Variants in PLA2G4F observed in about 807,000 individuals in gnomAD.
PLA2G4F encodes phospholipase A2 group IVF.
Under a neutral mutation model 103.1 loss-of-function variants are expected in PLA2G4F, and 105 were observed. That is an observed-to-expected ratio of 1.02 (90% CI 0.87 to 1.20). The LOEUF (loss-of-function observed/expected upper bound fraction) is 1.20, where lower values mean the gene tolerates loss of function less well. PLA2G4F is among the 50% of genes most tolerant of loss of function. The probability of loss-of-function intolerance (pLI) is 0.00; values close to 1 mark genes in which losing one functional copy is unlikely to be tolerated. For missense variants in PLA2G4F, 1,155 were observed against 1,075.9 expected (o/e 1.07, Z -1.03); for synonymous variants, 468 against 441.1 (o/e 1.06, Z -0.76).
rs1168188448 is a variant in PLA2G4F at position 42,147,516 on chromosome 15, C to A, written c.1196+110G>T. The A allele has an allele frequency of 4.2e-6, 6 of 1,436,346 alleles. No homozygotes were observed. In the East Asian group the frequency reaches 1.1e-4, roughly 27 times the overall value. 89.0% of individuals were successfully genotyped at this position (1,436,346 alleles called of 1,614,324 possible). On this transcript the variant is annotated intron_variant, in intron 12 of 19. Coordinates refer to ENST00000397272, the MANE Select transcript of PLA2G4F (RefSeq NM_213600.4). ...CAGCCTCTTCCTGCCCCTCCTAACA[C>A]CCTGGGAGGCAGGATCCCAGCCCCT...
rs971686573 is a variant in PLA2G4F at position 42,146,122 on chromosome 15, G to A, written c.1534+5C>T. 2 of 1,613,592 alleles carry A rather than the reference G, an allele frequency of 1.2e-6. No homozygotes were observed. ...CCTCCTTCCTTCGTCTCCACACCCAGGCACCTGCAAAATCTTCCCCACTCA... is the reference window on the plus strand; with the variant it reads ...CCTCCTTCCTTCGTCTCCACACCCAAGCACCTGCAAAATCTTCCCCACTCA... On this transcript the variant is annotated splice_donor_5th_base_variant and intron_variant, in intron 14 of 19. Coordinates refer to ENST00000397272, the MANE Select transcript of PLA2G4F (RefSeq NM_213600.4).
chr15:42,146,787 G>C, intron 13 of PLA2G4F: 1 of 258,752 alleles, frequency 3.9e-6, no homozygotes, highest in Non-Finnish European at 7.5e-6. Flanking sequence ...TCCAGGTGTG[G>C]GCTGAAATCA....
chr15:42,149,117 C>A (rs2048925620), intron 11 of PLA2G4F: 7 of 985,224 alleles, frequency 7.1e-6, no homozygotes, highest in Middle Eastern at 5.2e-4. Context: ...TCCCAGGGAC[C>A]CCCCAACCTC....
rs1012172859 is a variant in PLA2G4F, at chr15:42,140,699, G to A, written c.*1285C>T. ...GAAACCAGAACTAGTCTTCTTTCCAGACTCAGGACAGGTAAGGCTTCCCAG... is the reference window on the plus strand; with the variant it reads ...GAAACCAGAACTAGTCTTCTTTCCAAACTCAGGACAGGTAAGGCTTCCCAG... On this transcript the variant is annotated 3_prime_UTR_variant, in exon 20 of 20. Coordinates refer to ENST00000397272, the MANE Select transcript of PLA2G4F (RefSeq NM_213600.4). The A allele has an allele frequency of 1.3e-5, 2 of 152,994 alleles. No homozygotes were observed. Among genetic ancestry groups the A allele is most frequent in the African/African-American group, 4.8e-5 (2 of 41,442 alleles). The allele number at this position is 152,994 out of a possible 1,614,324, so 9.5% of individuals were successfully genotyped here.
Position 42,142,152 on chromosome 15 carries a change from G to A in PLA2G4F, c.2382C>T (p.Asn794=). 4 of 1,614,192 alleles carry A rather than the reference G, an allele frequency of 2.5e-6. No homozygotes were observed. Among genetic ancestry groups the A allele is most frequent in the Non-Finnish European group, 3.4e-6 (4 of 1,180,030 alleles). Residue 794 remains asparagine (N), a synonymous_variant, in exon 20 of 20, where the codon AAC becomes AAT. Transcript: ENST00000397272. ...EEKAFGDFVI[N]RPDTPYGMMN... Reference sequence around the variant, plus strand: ...TCATGCCATAGGGGGTGTCTGGCCTGTTGATGACAAAGTCCCCAAAGGCCT... The same window carrying A: ...TCATGCCATAGGGGGTGTCTGGCCTATTGATGACAAAGTCCCCAAAGGCCT...
Position 42,141,853 on chromosome 15 carries a change from G to A in PLA2G4F, c.*131C>T. Reference sequence around the variant, plus strand: ...CTGCAAGAGCTTTCCGGGGCCTGGGGCACCTCGAGGCAGGTCCTGGAGAGA... The same window carrying A: ...CTGCAAGAGCTTTCCGGGGCCTGGGACACCTCGAGGCAGGTCCTGGAGAGA... On this transcript the variant is annotated 3_prime_UTR_variant, in exon 20 of 20. Coordinates refer to ENST00000397272, the MANE Select transcript of PLA2G4F (RefSeq NM_213600.4). The A allele has an allele frequency of 1.1e-6, 1 of 923,648 alleles. No individual in the cohort carries two copies. The highest frequency in any genetic ancestry group is 1.6e-6 in the Non-Finnish European group (1 of 616,758). 57.2% of individuals were successfully genotyped at this position (923,648 alleles called of 1,614,324 possible).
At chr15:42,148,710 G>T in intron 11 of PLA2G4F, 1 of 985,384 alleles carries the variant, frequency 1.0e-6, no homozygotes, top group Non-Finnish European at 1.2e-6. Context: ...AAGGTCTCAG[G>T]ATCGGAGGTG....
In PLA2G4F at chr15:42,140,992, G is replaced by GA; in HGVS notation, c.*991dup. 1 of 340,206 alleles carries GA rather than the reference G, an allele frequency of 2.9e-6. No individual in the cohort carries two copies. Among genetic ancestry groups the GA allele is most frequent in the Non-Finnish European group, 5.8e-6 (1 of 171,630 alleles). 21.1% of individuals were successfully genotyped at this position (340,206 alleles called of 1,614,324 possible). A position where few individuals can be genotyped will look rare whatever the true frequency, so the allele number is the denominator to read the frequency against. On this transcript the variant is annotated 3_prime_UTR_variant, in exon 20 of 20. Transcript: ENST00000397272. ...TTGGAGAGTCCCTGGCGGGTCAGGG[G>GA]AAATGGAGAAGAGGGAGAGTGAGAA...
chr15:42,148,647 G>A (rs745544541), intron 11 of PLA2G4F: 35 of 985,262 alleles, frequency 3.6e-5, no homozygotes, highest in Non-Finnish European at 4.1e-5. Context: ...AGTGACAAAG[G>A]CCAGCAAGCA....
intron 11 of PLA2G4F, among the ~76,000 whole-genome samples, chr15:42,148,070 C>T (rs1391104754): frequency 1.3e-5 from 2 of 151,666 alleles, no homozygotes; most frequent in African/African-American, 4.9e-5. Flanking sequence ...GTAGTCCCAG[C>T]TATCTGGAGG....
At position 42,144,611 on chromosome 15, in the gene PLA2G4F, G is replaced by C. The variant is rs149624289; in HGVS notation, c.1814C>G (p.Ser605Trp). Residue 605 changes from serine to tryptophan, a missense_variant, in exon 17 of 20, where the codon TCG becomes TGG. By Grantham distance (177) the Ser-to-Trp change is radical. Around this residue, in one of 3 missense-constraint regions of PLA2G4F, gnomAD observed 782 missense variants for 692.9 expected, o/e 1.13. Coordinates refer to ENST00000397272, the MANE Select transcript of PLA2G4F (RefSeq NM_213600.4). Reference sequence around the variant, plus strand: ...GGTGAGGAGCCTCGTTCGCAGCCTCGAGGGGTTGTGCAGCTGAGGCTTCTG... The same window carrying C: ...GGTGAGGAGCCTCGTTCGCAGCCTCCAGGGGTTGTGCAGCTGAGGCTTCTG... The part of the protein sequence containing the change: ...DCQKPQLHNP[S>W]RLRTRLLTPQ... The C allele has an allele frequency of 2.3e-5, 37 of 1,608,056 alleles. No individual in the cohort carries two copies. The highest frequency in any genetic ancestry group is 3.1e-5 in the Non-Finnish European group (36 of 1,176,714).
chr15:42,142,816 G>A, intron 18 of PLA2G4F, 102 bp from the exon 19 acceptor site: 3 of 1,218,678 alleles, frequency 2.5e-6, no homozygotes, highest in Non-Finnish European at 3.5e-6. Context: ...CTCTGTTTCT[G>A]ACTAGCTGAG....
intron 11 of PLA2G4F, 150 bp downstream of exon 11, chr15:42,149,563 T>C: frequency 7.0e-7 from 1 of 1,422,178 alleles, no homozygotes; most frequent in South Asian, 1.6e-5. Flanking sequence ...CCTGGTCCCA[T>C]ATGGGGTCCT....
chr15:42,153,849 G>A (rs2048984712), intron 4 of PLA2G4F, among the ~76,000 whole-genome samples, 189 bp from the exon 5 acceptor site: 1 of 152,228 alleles, frequency 6.6e-6, no homozygotes, highest in Admixed American at 6.5e-5. Context: ...TGTGTCAGGT[G>A]CTGTTCTAGA....
Position 42,147,124 on chromosome 15 carries a change from C to T in PLA2G4F, c.1419G>A (p.Glu473=), listed in dbSNP as rs769743607. ...GLLVEYLLYQ[E]ENPAKLSDQQ... ...TATTTCCTTCTGGCTCTTCTCTCAC[C>T]TCCTGGTACAGGAGATACTCAACAA... is the stretch of plus-strand genomic sequence containing the variant. The change falls in exon 13 of 20, where the codon GAG becomes GAA. Residue 473 remains glutamate (E), a splice_region_variant and synonymous_variant. Coordinates refer to ENST00000397272, the MANE Select transcript of PLA2G4F (RefSeq NM_213600.4). 6.8e-6 allele frequency: 11 copies of T among 1,611,898 alleles called. No individual in the cohort carries two copies. Among genetic ancestry groups the T allele is most frequent in the East Asian group, 2.2e-5 (1 of 44,868 alleles).
At chr15:42,145,290 T>C (rs2048869541) in intron 16 of PLA2G4F, among the ~76,000 whole-genome samples, 1 of 152,138 alleles carries the variant, frequency 6.6e-6, no homozygotes, top group Non-Finnish European at 1.5e-5. Flanking sequence ...CCATGAGCCA[T>C]TTAAGGACCA....
At position 42,141,096 on chromosome 15, in the gene PLA2G4F, G is replaced by A. The variant is rs1402032175; in HGVS notation, c.*888C>T. 1 of 397,300 alleles carries A rather than the reference G, an allele frequency of 2.5e-6. No individual in the cohort carries two copies. The highest frequency in any genetic ancestry group is 2.0e-5 in the African/African-American group (1 of 48,872). 24.6% of individuals were successfully genotyped at this position (397,300 alleles called of 1,614,324 possible). On this transcript the variant is annotated 3_prime_UTR_variant, in exon 20 of 20. Coordinates refer to ENST00000397272, the MANE Select transcript of PLA2G4F (RefSeq NM_213600.4). ...GCGAGGCTCCCTCTGCACTGCCCATGCCTTGGAGTAACCCACCTCCAGGAA... is the reference window on the plus strand; with the variant it reads ...GCGAGGCTCCCTCTGCACTGCCCATACCTTGGAGTAACCCACCTCCAGGAA...
At chr15:42,142,273 A>C in intron 19 of PLA2G4F, 69 bp from the exon 20 acceptor site, 2 of 1,431,180 alleles carry the variant, frequency 1.4e-6, no homozygotes, top group Non-Finnish European at 1.9e-6. Flanking sequence ...AACAGCCCAG[A>C]AGTCTTCCTT....
chr15:42,147,522 G>A lies in PLA2G4F; in HGVS notation c.1196+104C>T, dbSNP rs146034894. The stretch of plus-strand genomic sequence containing the variant: ...CTTCCTGCCCCTCCTAACACCCTGG[G>A]AGGCAGGATCCCAGCCCCTCAGGGA... On this transcript the variant is annotated intron_variant, in intron 12 of 19. Coordinates refer to ENST00000397272, the MANE Select transcript of PLA2G4F (RefSeq NM_213600.4). 12,048 of 1,455,368 alleles carry A rather than the reference G, an allele frequency of 8.3e-3. 78 individuals are homozygous for A. Among genetic ancestry groups the A allele is most frequent in the Non-Finnish European group, 9.6e-3 (10,163 of 1,060,302 alleles). 90.2% of individuals were successfully genotyped at this position (1,455,368 alleles called of 1,614,324 possible).
Sources: allele counts gnomAD v4.1 joint callset (sites outside exome capture counted in the v4.1 genomes callset), GRCh38; gene constraint gnomAD v4.1.1; regional missense constraint gnomAD v4.1.1; transcripts MANE v1.5; gene names NCBI Gene and HGNC (gene_info 2026-07-23, HGNC 2026-07-21).